KAZN: variants seen among roughly 807,000 people sequenced by gnomAD.
KAZN encodes kazrin.
KAZN carries 40 observed loss-of-function variants against 87.4 expected under a neutral mutation model. That is an observed-to-expected ratio of 0.46 (90% CI 0.36 to 0.60). The LOEUF is 0.60. Among genes scored for constraint, KAZN ranks in the 20% least tolerant of loss-of-function variants. The pLI, the probability that KAZN is intolerant of heterozygous loss-of-function variation, is 0.00. For synonymous variants in KAZN, 466 were observed against 458.3 expected, an observed-to-expected ratio of 1.02 and a Z score of -0.22; for missense variants, 898 against 1,073.9, an observed-to-expected ratio of 0.84 and a Z score of 2.29.
Position 14,917,202 on chromosome 1 carries a change from G to T in KAZN, c.227-43482G>T, listed in dbSNP as rs538894971. Among the ~76,000 whole-genome samples the T allele has an allele frequency of 3.9e-5, 6 of 152,290 alleles. No homozygotes were observed. In the South Asian group the frequency reaches 1.2e-3, roughly 32 times the overall value. ...CAGGACAGATGGCAGGGTGGACCCC[G>T]AGTAAAATCCTCACCCCACCAAGGG... is the stretch of plus-strand genomic sequence containing the variant. On this transcript the variant is annotated intron_variant, in intron 1 of 14. Coordinates refer to ENST00000376030, the MANE Select transcript of KAZN (RefSeq NM_201628.3).
intron 1 of KAZN, among the ~76,000 whole-genome samples, chr1:14,085,533 T>C (rs528729802): frequency 3.5e-4 from 54 of 152,336 alleles, no homozygotes; most frequent in African/African-American, 1.3e-3. Flanking sequence ...ATGGAAACTT[T>C]TGTGTCTACC....
intron 2 of KAZN, among the ~76,000 whole-genome samples, chr1:14,306,430 A>G (rs1292820128): frequency 1.3e-5 from 2 of 152,150 alleles, no homozygotes; most frequent in Non-Finnish European, 2.9e-5. Flanking sequence ...CAGGCCACTT[A>G]GAAACTATGG....
chr1:14,636,800 A>G (rs16850640), intron 1 of KAZN, among the ~76,000 whole-genome samples: 12,832 of 152,226 alleles, frequency 0.084, 902 homozygotes, highest in African/African-American at 0.18. Context: ...TTGATTTTTG[A>G]ATGAAGCTAA....
intron 1 of KAZN, among the ~76,000 whole-genome samples, chr1:13,913,826 A>G (rs1570261965): frequency 6.6e-6 from 1 of 152,202 alleles, no homozygotes; most frequent in South Asian, 2.1e-4. Context: ...ACTGGGTCTC[A>G]CTGCAGGCCT....
intron 2 of KAZN, among the ~76,000 whole-genome samples, chr1:14,540,221 T>G (rs748861680): frequency 6.6e-6 from 1 of 152,212 alleles, no homozygotes; most frequent in Non-Finnish European, 1.5e-5. Flanking sequence ...CTTTGAGTTT[T>G]TATGAGACCA....
intron 2 of KAZN, among the ~76,000 whole-genome samples, chr1:15,022,228 G>C (rs948914469): frequency 6.6e-6 from 1 of 152,056 alleles, no homozygotes; most frequent in Admixed American, 6.6e-5. Flanking sequence ...GGCTCCAAAC[G>C]GGTCTATCCA....
chr1:14,432,998 G>A (rs1666166037), intron 2 of KAZN, among the ~76,000 whole-genome samples: 1 of 151,304 alleles, frequency 6.6e-6, no homozygotes, highest in Non-Finnish European at 1.5e-5. Context: ...GTACATATCT[G>A]TGTAGGTGGT....
At chr1:15,048,667 G>A (rs906807249) in intron 4 of KAZN, among the ~76,000 whole-genome samples, 5 of 142,476 alleles carry the variant, frequency 3.5e-5, no homozygotes, top group South Asian at 4.5e-4. Flanking sequence ...GTCCTGGGTC[G>A]CTGGTCCTGG....
chr1:14,099,418 T>C (rs1447111521), intron 1 of KAZN, among the ~76,000 whole-genome samples: 3 of 152,172 alleles, frequency 2.0e-5, no homozygotes, highest in Admixed American at 2.0e-4. Context: ...AATGCAAATA[T>C]AGCCTGTACC....
intron 1 of KAZN, among the ~76,000 whole-genome samples, chr1:14,144,038 A>G (rs1454199550): frequency 6.6e-6 from 1 of 152,046 alleles, no homozygotes; most frequent in African/African-American, 2.4e-5. Context: ...CTATTAATCT[A>G]TCAGCAGTTC....
chr1:14,053,551 T>C (rs931438354), intron 1 of KAZN, among the ~76,000 whole-genome samples: 1 of 152,216 alleles, frequency 6.6e-6, no homozygotes, highest in African/African-American at 2.4e-5. Context: ...GAAAACTGTC[T>C]GATGACACTT....
In KAZN at chr1:13,913,207, A is replaced by C. The variant is rs1359655727; in HGVS notation, c.91+19451A>C. ...AAGCCTAGCCCTTGCCAGCTCAGAT[A>C]GACAGACATCAGGAAGAAGTAGAGG... On this transcript the variant is annotated intron_variant, in intron 1 of 16. Transcript: ENST00000636203. Among the ~76,000 whole-genome samples the C allele has an allele frequency of 3.3e-5, 5 of 152,078 alleles. No homozygotes were observed. In the East Asian group the frequency reaches 9.6e-4, roughly 29 times the overall value.
chr1:15,101,116 T>A (rs1380011200), intron 10 of KAZN, among the ~76,000 whole-genome samples: 2 of 149,974 alleles, frequency 1.3e-5, no homozygotes, highest in East Asian at 4.1e-4. Context: ...TCCTGTTCCC[T>A]TCCGTTTGTT....
At chr1:14,497,442 G>A (rs1670010150) in intron 2 of KAZN, among the ~76,000 whole-genome samples, 1 of 150,972 alleles carries the variant, frequency 6.6e-6, no homozygotes, top group Non-Finnish European at 1.5e-5. Context: ...CATTTTAAAA[G>A]GGAAAAGATT....
Position 15,094,306 on chromosome 1 carries a change from C to T in KAZN, c.1349C>T (p.Thr450Ile). The stretch of plus-strand genomic sequence containing the variant: ...CCTATGTCCCACTGGAAGGCGGGCA[C>T]CGTCCAGGCCTGGCTGGAGGTGGTG... ...TTPMSHWKAG[T>I]VQAWLEVVMA... is the part of the protein sequence containing the mutation. The change falls in exon 9 of 15, where the codon ACC becomes ATC. Residue 450 changes from threonine to isoleucine, a missense_variant. By Grantham distance (89) the Thr-to-Ile change is moderately conservative (BLOSUM62 -1). Coordinates refer to ENST00000376030, the MANE Select transcript of KAZN (RefSeq NM_201628.3). This position sits in a 1 kb window ranked among gnomAD's most constrained non-coding sequence, Gnocchi z 4.5. 1.2e-6 allele frequency: 2 copies of T among 1,613,974 alleles called. No individual in the cohort carries two copies. Among genetic ancestry groups the T allele is most frequent in the Non-Finnish European group, 1.7e-6 (2 of 1,179,886 alleles).
intron 1 of KAZN, among the ~76,000 whole-genome samples, chr1:13,944,094 T>G (rs1557736735): frequency 6.6e-6 from 1 of 152,254 alleles, no homozygotes; most frequent in Non-Finnish European, 1.5e-5. Flanking sequence ...CTGCCTTGTT[T>G]ATAATAGCCC....
intron 1 of KAZN, among the ~76,000 whole-genome samples, chr1:14,645,145 G>A (rs556137427): frequency 1.3e-5 from 2 of 152,230 alleles, no homozygotes; most frequent in African/African-American, 4.8e-5. Flanking sequence ...TCTCTATTCT[G>A]TTCCATTGGT....
At chr1:14,846,345 G>T (rs755568800) in intron 1 of KAZN, among the ~76,000 whole-genome samples, 1 of 152,084 alleles carries the variant, frequency 6.6e-6, no homozygotes, top group African/African-American at 2.4e-5. Flanking sequence ...GAGATCAAGC[G>T]ATCTAGGTAT....
chr1:14,737,961 G>A (rs1643961117), intron 1 of KAZN, among the ~76,000 whole-genome samples: 2 of 152,178 alleles, frequency 1.3e-5, no homozygotes, highest in Non-Finnish European at 2.9e-5. Flanking sequence ...CAGTGGTAAT[G>A]TAAGAATAGA....
Sources: gnomAD v4.1 joint callset for allele counts (sites outside exome capture counted in the v4.1 genomes callset) on GRCh38, gnomAD v4.1.1 for gene constraint, Gnocchi (gnomAD v3.1) non-coding constraint, MANE v1.5 for transcripts, NCBI Gene and HGNC (gene_info 2026-07-23, HGNC 2026-07-21) for gene names.